The following MCPH1 variants were observed in gnomAD, a reference collection of about 807,000 sequenced individuals.
MCPH1 encodes the protein microcephalin.
In MCPH1, 104 loss-of-function variants were observed where a neutral mutation model predicts 84.5. The observed-to-expected ratio is 1.23, with a 90% CI of 1.05 to 1.45. The LOEUF is 1.45. MCPH1 is among the 40% of genes most tolerant of loss of function. The pLI is 0.00. For missense variants in MCPH1, 1,498 were observed against 1,005.7 expected (o/e 1.49, Z -6.62); for synonymous variants, 514 against 366.8 (o/e 1.40, Z -4.58).
Position 6,445,498 on chromosome 8 carries a change from G to A in MCPH1, c.1776G>A (p.Met592Ile). Residue 592 changes from methionine (M) to isoleucine (I), a missense_variant, in exon 8 of 14, where the codon ATG becomes ATA. Physicochemically the swap from Met to Ile is conservative, Grantham distance 10. Transcript: ENST00000344683. Reference protein sequence around the residue: ...HEPCFIVDCNMETSTEEKENL... With the variant: ...HEPCFIVDCNIETSTEEKENL... ...CATGTTTTATAGTTGACTGTAACATGGAGACGTCTACAGAAGAGAAGGAAA... is the reference window on the plus strand; with the variant it reads ...CATGTTTTATAGTTGACTGTAACATAGAGACGTCTACAGAAGAGAAGGAAA... The A allele has an allele frequency of 6.2e-7, 1 of 1,613,378 alleles. No individual in the cohort carries two copies. The highest frequency in any genetic ancestry group is 8.5e-7 in the Non-Finnish European group (1 of 1,179,880).
At chr8:6,525,580 A>T in intron 12 of MCPH1, among the ~76,000 whole-genome samples, 1 of 152,204 alleles carries the variant, frequency 6.6e-6, no homozygotes, top group East Asian at 1.9e-4. Context: ...ATTATAAAAG[A>T]TTATTTAAAA....
intron 12 of MCPH1, among the ~76,000 whole-genome samples, chr8:6,523,247 C>G (rs1817703518): frequency 6.6e-6 from 1 of 152,050 alleles, no homozygotes; most frequent in South Asian, 2.1e-4. Context: ...TCCGCCCGCC[C>G]CTGCCTCCCA....
At chr8:6,478,606 T>C (rs1304050536) in intron 10 of MCPH1, among the ~76,000 whole-genome samples, 1 of 152,206 alleles carries the variant, frequency 6.6e-6, no homozygotes, top group Non-Finnish European at 1.5e-5. Flanking sequence ...ACCTGGACAT[T>C]CTGATTTTAT....
intron 12 of MCPH1, among the ~76,000 whole-genome samples, chr8:6,568,772 C>T (rs1351689888): frequency 2.6e-5 from 4 of 152,354 alleles, no homozygotes; most frequent in African/African-American, 9.6e-5. Flanking sequence ...GCCTGCCGTC[C>T]TCAGCACGGC....
At chr8:6,471,069 G>C (rs1156427249) in intron 9 of MCPH1, among the ~76,000 whole-genome samples, 1 of 152,060 alleles carries the variant, frequency 6.6e-6, no homozygotes, top group Admixed American at 6.5e-5. Context: ...CTATAAATTT[G>C]GGGGAATGCC....
chr8:6,604,869 T>C (rs1474688167), intron 12 of MCPH1, among the ~76,000 whole-genome samples: 1 of 152,230 alleles, frequency 6.6e-6, no homozygotes, highest in Admixed American at 6.5e-5. Context: ...ATAGAAGCTT[T>C]TGAAATTAGC....
chr8:6,562,948 A>AT, intron 12 of MCPH1: 1 of 1,568,728 alleles, frequency 6.4e-7, no homozygotes, highest in Admixed American at 1.7e-5. Flanking sequence ...TTCTTCAGTA[A>AT]TAAACCAGCA....
chr8:6,646,679 T>A lies in MCPH1; in HGVS notation c.*3630T>A, dbSNP rs1367576665. ...TTCTTTCCTGTGGAGAGCTGTCCTG[T>A]GCACTGTAGAATGTTTAGCTGCATC... On this transcript the variant is annotated 3_prime_UTR_variant, in exon 14 of 14. Transcript: ENST00000344683. 6.6e-6 allele frequency: 1 copy of A among 152,218 alleles called. No individual in the cohort carries two copies. Among genetic ancestry groups the A allele is most frequent in the Non-Finnish European group, 1.5e-5 (1 of 68,034 alleles). 9.4% of individuals were successfully genotyped at this position (152,218 alleles called of 1,614,324 possible).
intron 11 of MCPH1, among the ~76,000 whole-genome samples, chr8:6,497,769 G>A (rs182232092): frequency 6.4e-4 from 98 of 152,208 alleles, no homozygotes; most frequent in Non-Finnish European, 1.3e-4. Context: ...AGCTAAAGTG[G>A]CTTTAAAAAT....
chr8:6,428,231 A>G (rs746344452), intron 3 of MCPH1, among the ~76,000 whole-genome samples: 9 of 149,338 alleles, frequency 6.0e-5, no homozygotes, highest in South Asian at 2.2e-4. Flanking sequence ...AGCTTTTTCT[A>G]TGTTTTAATT....
At chr8:6,442,988 T>G (rs1803743480) in intron 7 of MCPH1, among the ~76,000 whole-genome samples, 1 of 152,264 alleles carries the variant, frequency 6.6e-6, no homozygotes, top group East Asian at 1.9e-4. Context: ...ATTTTACACT[T>G]GTTACATTTA....
chr8:6,476,805 A>G (rs1244327901), intron 9 of MCPH1, among the ~76,000 whole-genome samples: 3 of 152,238 alleles, frequency 2.0e-5, no homozygotes, highest in African/African-American at 7.2e-5. Context: ...TATTTCATGT[A>G]AATTACAAAA....
rs764974933 is a variant in MCPH1, at chr8:6,480,786, C to G, written c.2046C>G (p.Thr682=). The G allele has an allele frequency of 6.2e-7, 1 of 1,614,140 alleles. No individual in the cohort carries two copies. The highest frequency in any genetic ancestry group is 8.5e-7 in the Non-Finnish European group (1 of 1,180,020). ...GFSIAPDVCE[T]TTHVLSGKPL... is the part of the protein sequence containing the mutation. The stretch of plus-strand genomic sequence containing the variant: ...CAATTGCACCAGACGTCTGTGAGAC[C>G]ACGACTCACGTGCTTTCCGGGAAGC... The change falls in exon 11 of 14, where the codon ACC becomes ACG. Residue 682 remains threonine, a synonymous_variant. Transcript: ENST00000344683.
intron 9 of MCPH1, among the ~76,000 whole-genome samples, chr8:6,473,486 C>T (rs1808037560): frequency 6.6e-6 from 1 of 152,016 alleles, no homozygotes; most frequent in African/African-American, 2.4e-5. Context: ...TGCCCACCAC[C>T]ATGCCCGGCT....
intron 12 of MCPH1, among the ~76,000 whole-genome samples, chr8:6,538,575 G>A (rs1262978221): frequency 6.6e-6 from 1 of 152,170 alleles, no homozygotes; most frequent in Non-Finnish European, 1.5e-5. Context: ...CAGCTGCCCA[G>A]CGGCCTCATA....
chr8:6,613,446 CG>C (rs1205137326), intron 12 of MCPH1, among the ~76,000 whole-genome samples: 2 of 150,180 alleles, frequency 1.3e-5, no homozygotes, highest in African/African-American at 4.9e-5. Flanking sequence ...CAGGGAGTCA[CG>C]GGGGGGTGGT....
intron 7 of MCPH1, 26 bp from the exon 8 acceptor site, chr8:6,444,367 G>C (rs751168362): frequency 2.6e-5 from 42 of 1,613,668 alleles, no homozygotes; most frequent in Non-Finnish European, 3.1e-5. Context: ...ACTTTTAAAA[G>C]TTAGCTCTCC....
At chr8:6,413,895 C>G (rs577705243) in intron 2 of MCPH1, among the ~76,000 whole-genome samples, 1 of 152,130 alleles carries the variant, frequency 6.6e-6, no homozygotes, top group South Asian at 2.1e-4. Context: ...GCTGAGACTA[C>G]AGGCACGAAC....
intron 12 of MCPH1, among the ~76,000 whole-genome samples, chr8:6,599,129 A>T (rs1428161290): frequency 6.6e-6 from 1 of 152,222 alleles, no homozygotes; most frequent in African/African-American, 2.4e-5. Flanking sequence ...TCAGGCTTCC[A>T]CGGTCATGAG....
Sources: allele counts gnomAD v4.1 joint callset (sites outside exome capture counted in the v4.1 genomes callset), GRCh38; gene constraint gnomAD v4.1.1; transcripts MANE v1.5; gene names NCBI Gene and HGNC (gene_info 2026-07-23, HGNC 2026-07-21).